Variants in TMCC1 observed in about 807,000 individuals in gnomAD.
The protein encoded by TMCC1 is transmembrane and coiled-coil domain family 1.
TMCC1 carries 15 observed loss-of-function variants against 52.4 expected under a neutral mutation model. The ratio of observed to expected loss-of-function variants is 0.29; its 90% CI spans 0.19 to 0.44. The LOEUF (loss-of-function observed/expected upper bound fraction) is 0.44, where lower values mean the gene tolerates loss of function less well. TMCC1 is among the 20% of genes least tolerant of loss of function. The pLI is 1.00. For synonymous variants in TMCC1, 279 were observed against 301.9 expected (o/e 0.92, Z 0.79); for missense variants, 503 against 806.0 (o/e 0.62, Z 4.55).
chr3:129,788,803 C>A (rs1366495467), intron 4 of TMCC1, among the ~76,000 whole-genome samples: 1 of 152,084 alleles, frequency 6.6e-6, no homozygotes, highest in Non-Finnish European at 1.5e-5. Flanking sequence ...AGAAGAACAT[C>A]ATCAATCTTC....
intron 4 of TMCC1, among the ~76,000 whole-genome samples, chr3:129,699,365 T>C (rs924210506): frequency 6.6e-6 from 1 of 152,212 alleles, no homozygotes; most frequent in South Asian, 2.1e-4. Context: ...ACAAGTGCCA[T>C]GACAGTTTAC....
intron 4 of TMCC1, among the ~76,000 whole-genome samples, chr3:129,775,895 G>C (rs1292012597): frequency 6.6e-6 from 1 of 152,086 alleles, no homozygotes; most frequent in African/African-American, 2.4e-5. Context: ...CCCATTAAAG[G>C]TTTCCTATTG....
intron 4 of TMCC1, among the ~76,000 whole-genome samples, chr3:129,724,326 G>T (rs1042828759): frequency 4.6e-5 from 7 of 152,132 alleles, no homozygotes; most frequent in Admixed American, 2.0e-4. Context: ...TGGTAGAAAA[G>T]AACTTTTCTC....
intron 4 of TMCC1, among the ~76,000 whole-genome samples, chr3:129,763,222 ATAAAT>A (rs2053777018): frequency 6.9e-6 from 1 of 144,090 alleles, no homozygotes; most frequent in African/African-American, 2.6e-5. Flanking sequence ...AAATAAATAA[ATAAAT>A]AAATAAATAA....
In TMCC1 at chr3:129,842,969, T is replaced by G. The variant is rs577924828; in HGVS notation, c.-183-10143A>C. Reference sequence around the variant, plus strand: ...AGTACTTAGAGGAAAATGTATAGTCTTAATTATATCTTATAAAAGAAGACC... The same window carrying G: ...AGTACTTAGAGGAAAATGTATAGTCGTAATTATATCTTATAAAAGAAGACC... On this transcript the variant is annotated intron_variant, in intron 2 of 6. Transcript: ENST00000393238. Among the ~76,000 whole-genome samples the G allele has an allele frequency of 2.6e-5, 4 of 152,324 alleles. No homozygotes were observed. The East Asian group carries it at 5.8e-4, about 22-fold the overall frequency.
intron 4 of TMCC1, among the ~76,000 whole-genome samples, chr3:129,798,243 G>A (rs759799874): frequency 6.6e-5 from 10 of 151,594 alleles, no homozygotes; most frequent in Non-Finnish European, 7.4e-5. Flanking sequence ...TGATCCGCCC[G>A]CTCAGCCTCC....
chr3:129,761,601 C>T (rs187129177), intron 4 of TMCC1, among the ~76,000 whole-genome samples: 156 of 152,208 alleles, frequency 1.0e-3, no homozygotes, highest in African/African-American at 3.3e-3. Flanking sequence ...ACCTTGAGGA[C>T]TTCAGAGATA....
chr3:129,840,100 G>A (rs1304249177), intron 2 of TMCC1, among the ~76,000 whole-genome samples: 1 of 150,488 alleles, frequency 6.6e-6, no homozygotes, highest in Non-Finnish European at 1.5e-5. Flanking sequence ...GGCTGAGGCA[G>A]AAGGATCGCT....
intron 2 of TMCC1, among the ~76,000 whole-genome samples, chr3:129,840,296 C>CA: frequency 7.7e-6 from 1 of 130,198 alleles, no homozygotes; most frequent in African/African-American, 3.0e-5. Flanking sequence ...TACTGTACTC[C>CA]AACCAGGGTG....
At chr3:129,662,661 G>A (rs1045906291) in intron 5 of TMCC1, among the ~76,000 whole-genome samples, 18 of 152,002 alleles carry the variant, frequency 1.2e-4, no homozygotes, top group African/African-American at 4.3e-4. Flanking sequence ...AACAAAAACA[G>A]CATTATAAAC....
At chr3:129,718,330 C>T (rs1453741632) in intron 4 of TMCC1, among the ~76,000 whole-genome samples, 1 of 152,212 alleles carries the variant, frequency 6.6e-6, no homozygotes, top group Non-Finnish European at 1.5e-5. Flanking sequence ...ACAGCCACCT[C>T]CAGTTGCTAG....
At chr3:129,807,316 T>C (rs2057524736) in intron 4 of TMCC1, among the ~76,000 whole-genome samples, 3 of 152,206 alleles carry the variant, frequency 2.0e-5, no homozygotes, top group African/African-American at 4.8e-5. Flanking sequence ...TCATAGCTTA[T>C]ATGTTTATTT....
At chr3:129,847,147 A>C (rs1187336250) in intron 2 of TMCC1, 1 of 152,210 alleles carries the variant, frequency 6.6e-6, no homozygotes, top group Non-Finnish European at 1.5e-5. Flanking sequence ...ACTAAAAAAA[A>C]CATGTAGTTA....
At chr3:129,696,714 A>AGTACAGGCAT (rs1175393348) in intron 4 of TMCC1, among the ~76,000 whole-genome samples, 2 of 152,208 alleles carry the variant, frequency 1.3e-5, no homozygotes, top group Admixed American at 6.5e-5. Flanking sequence ...CCTAGATACA[A>AGTACAGGCAT]TGGGGGTACA....
At chr3:129,850,176 TCTC>T (rs1450264665) in intron 2 of TMCC1, among the ~76,000 whole-genome samples, 1 of 152,226 alleles carries the variant, frequency 6.6e-6, no homozygotes, top group African/African-American at 2.4e-5. Flanking sequence ...AATGTCCTAT[TCTC>T]CTCTGTCCTT....
At chr3:129,701,133 T>G (rs889654634) in intron 4 of TMCC1, among the ~76,000 whole-genome samples, 2 of 152,236 alleles carry the variant, frequency 1.3e-5, no homozygotes, top group Admixed American at 1.3e-4. Flanking sequence ...TTGATGCTGA[T>G]ATCTGATGAC....
chr3:129,891,222 T>A (rs1299989329), intron 1 of TMCC1, among the ~76,000 whole-genome samples: 1 of 152,200 alleles, frequency 6.6e-6, no homozygotes, highest in South Asian at 2.1e-4. Flanking sequence ...CACATCAGCT[T>A]GTTTTATTTT....
At chr3:129,697,345 C>A (rs2047488421) in intron 4 of TMCC1, among the ~76,000 whole-genome samples, 2 of 152,166 alleles carry the variant, frequency 1.3e-5, no homozygotes, top group African/African-American at 2.4e-5. Flanking sequence ...GTATCTTGGC[C>A]CTTTTTAGTT....
At chr3:129,786,480 T>TG (rs1217432068) in intron 4 of TMCC1, among the ~76,000 whole-genome samples, 1 of 152,160 alleles carries the variant, frequency 6.6e-6, no homozygotes, top group East Asian at 1.9e-4. Context: ...TGAGATATGC[T>TG]GGGGGTGACA....
Sources: gnomAD v4.1 joint callset for allele counts (sites outside exome capture counted in the v4.1 genomes callset) on GRCh38, gnomAD v4.1.1 for gene constraint, MANE v1.5 for transcripts, NCBI Gene and HGNC (gene_info 2026-07-23, HGNC 2026-07-21) for gene names.